The following SUN3 variants were observed in gnomAD, a reference collection of about 807,000 sequenced individuals.
The protein encoded by SUN3 is SUN domain-containing protein 3.
Under a neutral mutation model 48.2 loss-of-function variants are expected in SUN3, and 36 were observed. The observed-to-expected ratio is 0.75, with a 90% CI of 0.57 to 0.99. The LOEUF is 0.99. Among genes scored for constraint, SUN3 ranks in the 50% least tolerant of loss-of-function variants. The pLI is 0.00. For synonymous variants in SUN3, 148 were observed against 147.9 expected (o/e 1.00, Z 0.00); for missense variants, 419 against 433.1 (o/e 0.97, Z 0.29).
intron 4 of SUN3, 125 bp downstream of exon 4, chr7:48,008,910 T>C (rs1420457496): frequency 1.3e-6 from 1 of 781,412 alleles, no homozygotes; most frequent in African/African-American, 1.8e-5. Context: ...TAATAGTTAT[T>C]TCTGGGAGTG....
At chr7:48,030,445 C>G (rs1386474463), upstream of SUN3, among the ~76,000 whole-genome samples, 2 of 152,178 alleles carry the variant, frequency 1.3e-5, no homozygotes, top group Non-Finnish European at 1.5e-5. Flanking sequence ...AGATGTGATA[C>G]ACATGCACAG....
chr7:47,998,405 A>G (rs1227784653), intron 6 of SUN3, among the ~76,000 whole-genome samples: 2 of 151,972 alleles, frequency 1.3e-5, no homozygotes, highest in African/African-American at 4.8e-5. Flanking sequence ...CCTATTTTTT[A>G]TCTGGTTGTC....
intron 6 of SUN3, among the ~76,000 whole-genome samples, chr7:48,002,306 C>T (rs1441528576): frequency 1.4e-5 from 2 of 143,924 alleles, no homozygotes; most frequent in Non-Finnish European, 2.9e-5. Context: ...ACCACAGGCG[C>T]CCGCACCACG....
the SUN3 span, chr7:48,035,427 C>T: frequency 1.5e-6 from 1 of 672,200 alleles, no homozygotes; most frequent in Middle Eastern, 3.9e-4. The surrounding 1 kb of genome is among the most constrained non-coding windows in gnomAD (Gnocchi z 4.0). Context: ...TGGCCCACCG[C>T]TCCCCCTCAG....
At position 48,006,050 on chromosome 7, in the gene SUN3, C is replaced by T. The variant is rs757066331; in HGVS notation, c.496G>A (p.Val166Met). ...AGTACATAATTGACCAAGTTTGACA[C>T]TTCCTGTAGAAATTTTATAAACAGT... Reference protein sequence around the residue: ...PVEDPDHTEEVSNLVNYVLKK... With the variant: ...PVEDPDHTEEMSNLVNYVLKK... The change falls in exon 6 of 10, where the codon GTG becomes ATG. Residue 166 changes from valine (V) to methionine (M), a missense_variant. By Grantham distance (21) the Val-to-Met change is conservative. Transcript: ENST00000297325. 6 of 1,592,500 alleles carry T rather than the reference C, an allele frequency of 3.8e-6. No individual in the cohort carries two copies. The Admixed American group carries it at 1.0e-4, about 28-fold the overall frequency.
upstream of SUN3, among the ~76,000 whole-genome samples, chr7:48,031,832 G>GCGCACACACA (rs1554297882): frequency 1.4e-5 from 2 of 142,270 alleles, no homozygotes; most frequent in Non-Finnish European, 3.0e-5. Context: ...TGTGATTTAT[G>GCGCACACACA]CACACACACA....
At chr7:48,028,479 CAAAAAAAAAAAAAAAA>C (rs55997019) in intron 1 of SUN3, among the ~76,000 whole-genome samples, 2 of 45,232 alleles carry the variant, frequency 4.4e-5, no homozygotes, top group African/African-American at 1.1e-4. Flanking sequence ...AGCCCAATGA[CAAAAAAAAAAAAAAAA>C]AAAAAAAAAA....
At chr7:47,995,138 G>T (rs928536371) in intron 7 of SUN3, among the ~76,000 whole-genome samples, 1 of 151,994 alleles carries the variant, frequency 6.6e-6, no homozygotes, top group Non-Finnish European at 1.5e-5. Flanking sequence ...GAAGGTAGTG[G>T]TGGTGGTGGC....
chr7:48,030,500 A>C (rs1390198836), upstream of SUN3, among the ~76,000 whole-genome samples: 1 of 152,218 alleles, frequency 6.6e-6, no homozygotes, highest in Non-Finnish European at 1.5e-5. Flanking sequence ...AGGTATATTT[A>C]TCTCTCCACA....
chr7:47,996,245 G>T (rs1352065664), intron 6 of SUN3, 99 bp from the exon 7 acceptor site: 8 of 663,990 alleles, frequency 1.2e-5, no homozygotes, highest in Non-Finnish European at 2.0e-5. Flanking sequence ...TTATTACTGG[G>T]CAAATTATAA....
chr7:48,008,766 A>G (rs1789601556), intron 4 of SUN3, among the ~76,000 whole-genome samples: 1 of 152,182 alleles, frequency 6.6e-6, no homozygotes, highest in Non-Finnish European at 1.5e-5. Flanking sequence ...TTAATACTAA[A>G]TACAGCATGG....
intron 2 of SUN3, among the ~76,000 whole-genome samples, chr7:48,019,715 C>T (rs1234851599): frequency 6.6e-6 from 1 of 151,846 alleles, no homozygotes; most frequent in Admixed American, 6.6e-5. Flanking sequence ...CACATACAAC[C>T]TACCAAGACT....
intron 5 of SUN3, among the ~76,000 whole-genome samples, chr7:48,006,255 G>A (rs1348507356): frequency 4.6e-5 from 7 of 151,996 alleles, no homozygotes; most frequent in East Asian, 3.9e-4. Flanking sequence ...TCAGGAATAC[G>A]GTGTAAATAA....
At chr7:47,990,609 C>T (rs997728051) in intron 8 of SUN3, among the ~76,000 whole-genome samples, 1 of 152,042 alleles carries the variant, frequency 6.6e-6, no homozygotes, top group Non-Finnish European at 1.5e-5. Flanking sequence ...GAGAAACGCC[C>T]ACAGGTGGGG....
chr7:47,987,875 A>G (rs1418973738), intron 9 of SUN3, among the ~76,000 whole-genome samples: 1 of 152,202 alleles, frequency 6.6e-6, no homozygotes, highest in Non-Finnish European at 1.5e-5. Context: ...TTCAAATATC[A>G]GTCTAATGAA....
chr7:47,996,189 A>G, intron 6 of SUN3, 43 bp from the exon 7 acceptor site: 1 of 1,017,630 alleles, frequency 9.8e-7, no homozygotes, highest in South Asian at 1.6e-5. Context: ...AACAACATAC[A>G]CAATTCAAAA....
chr7:48,010,408 C>T (rs530124746), intron 3 of SUN3, among the ~76,000 whole-genome samples: 2 of 152,152 alleles, frequency 1.3e-5, no homozygotes, highest in South Asian at 4.1e-4. Flanking sequence ...CGAGGGATGG[C>T]TCCTGACATC....
chr7:48,031,114 AAAAT>A (rs1184800897), upstream of SUN3, among the ~76,000 whole-genome samples: 1 of 152,236 alleles, frequency 6.6e-6, no homozygotes, highest in Non-Finnish European at 1.5e-5. Context: ...AGCACATGCA[AAAAT>A]AAATAAGTGG....
chr7:48,003,453 G>A (rs1789444438), intron 6 of SUN3, among the ~76,000 whole-genome samples: 1 of 152,136 alleles, frequency 6.6e-6, no homozygotes, highest in South Asian at 2.1e-4. Context: ...GAAGGTCAAT[G>A]GTAGTTTAAT....
Sources: allele counts gnomAD v4.1 joint callset (sites outside exome capture counted in the v4.1 genomes callset), GRCh38; gene constraint gnomAD v4.1.1; non-coding constraint Gnocchi (gnomAD v3.1); transcripts MANE v1.5; gene names NCBI Gene and HGNC (gene_info 2026-07-23, HGNC 2026-07-21).